AMOTL1: variants seen among roughly 807,000 people sequenced by gnomAD.
AMOTL1 encodes angiomotin like 1.
In AMOTL1, 45 loss-of-function variants were observed where a neutral mutation model predicts 102.9. The observed-to-expected ratio is 0.44, with a 90% CI of 0.34 to 0.56. The LOEUF (loss-of-function observed/expected upper bound fraction) is 0.56. Ranked by LOEUF, AMOTL1 falls within the 20% of genes least tolerant of loss-of-function variation. The probability of loss-of-function intolerance (pLI) is 0.01; values close to 1 mark genes in which losing one functional copy is unlikely to be tolerated. For missense variants in AMOTL1, 1,114 were observed against 1,225.6 expected, an observed-to-expected ratio of 0.91 and a Z score of 1.36; for synonymous variants, 481 against 484.7, an observed-to-expected ratio of 0.99 and a Z score of 0.10.
intron 3 of AMOTL1, among the ~76,000 whole-genome samples, chr11:94,746,948 C>T (rs540179362): frequency 2.6e-5 from 4 of 151,860 alleles, no homozygotes; most frequent in Admixed American, 2.0e-4. Flanking sequence ...GGGTGTGACC[C>T]GTGAGACACT....
intron 1 of AMOTL1, among the ~76,000 whole-genome samples, chr11:94,782,895 C>T (rs1417831305): frequency 2.0e-5 from 3 of 152,072 alleles, no homozygotes; most frequent in Admixed American, 1.3e-4. Flanking sequence ...ATTCTCACTT[C>T]GTTTTAAAAC....
Position 94,817,485 on chromosome 11 carries a change from A to G in AMOTL1, c.1122-4045A>G, listed in dbSNP as rs552953760. On this transcript the variant is annotated intron_variant, in intron 3 of 12. Coordinates refer to ENST00000433060, the MANE Select transcript of AMOTL1 (RefSeq NM_130847.3). The stretch of plus-strand genomic sequence containing the variant: ...AATGGGGTTTATCCTTCTTTGGATT[A>G]TATTTATATAAATGTGTTATTAGTA... Among the ~76,000 whole-genome samples the G allele has an allele frequency of 1.3e-3, 205 of 152,306 alleles. 2 individuals carry two copies. Among genetic ancestry groups the G allele is most frequent in the East Asian group, 2.5e-3 (13 of 5,190 alleles).
At chr11:94,866,259 A>G in intron 11 of AMOTL1, 91 bp downstream of exon 11, 1 of 1,284,698 alleles carries the variant, frequency 7.8e-7, no homozygotes, top group Non-Finnish European at 1.1e-6. Context: ...GTCCCTGAAT[A>G]GTTCCTGGTC....
chr11:94,870,368 C>T (rs1952972070), intron 12 of AMOTL1, among the ~76,000 whole-genome samples: 1 of 152,176 alleles, frequency 6.6e-6, no homozygotes, highest in East Asian at 1.9e-4. Flanking sequence ...TCCAAGTAAG[C>T]CAGAGAACCT....
intron 3 of AMOTL1, among the ~76,000 whole-genome samples, chr11:94,801,934 A>G (rs1951485272): frequency 6.6e-6 from 1 of 152,196 alleles, no homozygotes; most frequent in Admixed American, 6.5e-5. Flanking sequence ...TGAACAAGCC[A>G]GGGTTTTCCC....
intron 3 of AMOTL1, among the ~76,000 whole-genome samples, chr11:94,754,726 C>A (rs1950700728): frequency 6.6e-6 from 1 of 152,144 alleles, no homozygotes. Context: ...AGGGATATAA[C>A]CTAGTGTAGG....
Position 94,799,598 on chromosome 11 carries a change from C to A in AMOTL1, c.408C>A (p.Asn136Lys). Residue 136 changes from asparagine to lysine, a missense_variant, in exon 3 of 13, where the codon AAC (asparagine) becomes AAA (lysine). By Grantham distance (94) the Asn-to-Lys change is moderately conservative. Coordinates refer to ENST00000433060, the MANE Select transcript of AMOTL1 (RefSeq NM_130847.3). This position sits in a 1 kb window ranked among gnomAD's most constrained non-coding sequence, Gnocchi z 4.5. ...TGSAGPAHPT[N>K]NFSSTENLTQ... ...GTGCAGGACCAGCCCATCCTACAAA[C>A]AACTTTTCTTCCACGGAAAACCTCA... The A allele has an allele frequency of 6.2e-7, 1 of 1,613,908 alleles. No individual in the cohort carries two copies. Among genetic ancestry groups the A allele is most frequent in the Non-Finnish European group, 8.5e-7 (1 of 1,179,866 alleles).
Position 94,874,337 on chromosome 11 carries a change from C to G in AMOTL1, c.*3542C>G, listed in dbSNP as rs1339160894. ...TTCTCTGCCTCCCAGAGGCTGGCAG[C>G]CAGTGACACTGCAGAGTTCAGCATG... On this transcript the variant is annotated 3_prime_UTR_variant, in exon 13 of 13. Coordinates refer to ENST00000433060, the MANE Select transcript of AMOTL1 (RefSeq NM_130847.3). 6.6e-6 allele frequency: 1 copy of G among 152,274 alleles called. No homozygotes were observed. The highest frequency in any genetic ancestry group is 2.4e-5 in the African/African-American group (1 of 41,472). The allele number at this position is 152,274 out of a possible 1,614,324, so 9.4% of individuals were successfully genotyped here. A position where few individuals can be genotyped will look rare whatever the true frequency, so the allele number is the denominator to read the frequency against.
At chr11:94,789,872 T>A (rs1342842501) in intron 1 of AMOTL1, among the ~76,000 whole-genome samples, 3 of 152,218 alleles carry the variant, frequency 2.0e-5, no homozygotes. Flanking sequence ...TATTGTAATC[T>A]AGACAGTGAA....
chr11:94,822,426 CAAAA>C (rs920101089), intron 4 of AMOTL1, among the ~76,000 whole-genome samples: 3 of 151,542 alleles, frequency 2.0e-5, no homozygotes, highest in African/African-American at 7.3e-5. Flanking sequence ...GACCCTGTCT[CAAAA>C]ATAAAAAATA....
At chr11:94,840,087 A>G (rs1952265599) in intron 6 of AMOTL1, among the ~76,000 whole-genome samples, 1 of 152,162 alleles carries the variant, frequency 6.6e-6, no homozygotes, top group Admixed American at 6.5e-5. Flanking sequence ...TAGAGCTTAG[A>G]GTTAATGAAA....
intron 1 of AMOTL1, among the ~76,000 whole-genome samples, chr11:94,724,778 T>TATATATACAAA (rs888077105): frequency 2.6e-5 from 4 of 152,162 alleles, no homozygotes; most frequent in Non-Finnish European, 4.4e-5. Flanking sequence ...TTCATTTTTG[T>TATATATACAAA]ATGTCAGTAT....
At chr11:94,778,543 C>T (rs959759729) in intron 1 of AMOTL1, among the ~76,000 whole-genome samples, 1 of 152,148 alleles carries the variant, frequency 6.6e-6, no homozygotes, top group African/African-American at 2.4e-5. Context: ...TTAATTACAC[C>T]TACCTCAAAA....
intron 3 of AMOTL1, among the ~76,000 whole-genome samples, chr11:94,810,481 A>G (rs921622865): frequency 4.4e-5 from 6 of 135,622 alleles, no homozygotes; most frequent in Non-Finnish European, 9.3e-5. Context: ...CTCTGCTACA[A>G]TAACTATTTT....
At chr11:94,749,447 T>C (rs1950625803) in intron 3 of AMOTL1, among the ~76,000 whole-genome samples, 1 of 152,162 alleles carries the variant, frequency 6.6e-6, no homozygotes. Flanking sequence ...TGCCAGCCTC[T>C]TCTGGAAACA....
chr11:94,862,629 A>T (rs1178632556), intron 9 of AMOTL1, among the ~76,000 whole-genome samples: 1 of 152,192 alleles, frequency 6.6e-6, no homozygotes, highest in Non-Finnish European at 1.5e-5. Context: ...TATTTCTTTC[A>T]GAGTTTTATA....
chr11:94,809,938 CAT>C (rs573380072), intron 3 of AMOTL1, among the ~76,000 whole-genome samples: 25 of 152,208 alleles, frequency 1.6e-4, no homozygotes, highest in African/African-American at 4.8e-4. Flanking sequence ...AGTAGTGAAA[CAT>C]ATACGTGACA....
intron 3 of AMOTL1, among the ~76,000 whole-genome samples, chr11:94,802,063 C>T (rs1951488378): frequency 6.6e-6 from 1 of 152,186 alleles, no homozygotes; most frequent in Admixed American, 6.5e-5. Flanking sequence ...CCAGCACTGA[C>T]ACATTTCCCC....
chr11:94,753,043 T>G (rs1950676044), intron 3 of AMOTL1, among the ~76,000 whole-genome samples: 1 of 152,162 alleles, frequency 6.6e-6, no homozygotes, highest in Admixed American at 6.5e-5. Context: ...CTAAAAGTCA[T>G]TTTCCCTCAA....
Sources: allele counts gnomAD v4.1 joint callset (sites outside exome capture counted in the v4.1 genomes callset), GRCh38; gene constraint gnomAD v4.1.1; non-coding constraint Gnocchi (gnomAD v3.1); transcripts MANE v1.5; gene names NCBI Gene and HGNC (gene_info 2026-07-23, HGNC 2026-07-21).